Variants in MAGI2 observed in about 807,000 individuals in gnomAD.
MAGI2 encodes the protein membrane associated guanylate kinase, WW and PDZ domain containing 2, also known as membrane-associated guanylate kinase, WW and PDZ domain-containing protein 2.
A neutral mutation model predicts 133.3 loss-of-function variants in MAGI2; 35 were observed. The observed-to-expected ratio is 0.26, with a 90% CI of 0.20 to 0.35. The LOEUF (loss-of-function observed/expected upper bound fraction) is 0.35. Among genes scored for constraint, MAGI2 ranks in the 10% least tolerant of loss-of-function variants. MAGI2 has a pLI of 1.00. For missense variants in MAGI2, 1,636 were observed against 1,863.4 expected (o/e 0.88, Z 2.25); for synonymous variants, 729 against 710.6 (o/e 1.03, Z -0.41).
At chr7:78,868,513 T>C (rs1293484205) in intron 2 of MAGI2, among the ~76,000 whole-genome samples, 1 of 152,172 alleles carries the variant, frequency 6.6e-6, no homozygotes, top group African/African-American at 2.4e-5. Context: ...TATAATAGAT[T>C]AAAATTTAGC....
intron 6 of MAGI2, among the ~76,000 whole-genome samples, chr7:78,464,748 T>TA (rs397889373): frequency 2.0e-5 from 3 of 150,714 alleles, no homozygotes; most frequent in Non-Finnish European, 4.4e-5. Flanking sequence ...TTTTTTTTTT[T>TA]ACAACAAATA....
intron 3 of MAGI2, among the ~76,000 whole-genome samples, chr7:78,555,674 T>C (rs189064153): frequency 1.5e-3 from 223 of 152,252 alleles, no homozygotes; most frequent in Middle Eastern, 3.4e-3. Context: ...CCACAACACA[T>C]CATTATTTAT....
intron 7 of MAGI2, among the ~76,000 whole-genome samples, chr7:78,357,570 G>A (rs982708638): frequency 6.6e-6 from 1 of 152,158 alleles, no homozygotes; most frequent in African/African-American, 2.4e-5. Flanking sequence ...ATAGAATGGA[G>A]GGGCCCTGTC....
In MAGI2 at chr7:79,291,853, C is replaced by T. The variant is rs1282484253; in HGVS notation, c.301+161167G>A. 2.6e-5 allele frequency among the ~76,000 whole-genome samples: 4 copies of T among 152,206 alleles called. No individual in the cohort carries two copies. In the East Asian group the frequency reaches 7.7e-4, roughly 29 times the overall value. Reference sequence around the variant, plus strand: ...TATACAATTTGCAAATATTTTCACCCATTCTGTGAACTGTCATTCATTTTC... The same window carrying T: ...TATACAATTTGCAAATATTTTCACCTATTCTGTGAACTGTCATTCATTTTC... On this transcript the variant is annotated intron_variant, in intron 1 of 21. Coordinates refer to ENST00000354212, the MANE Select transcript of MAGI2 (RefSeq NM_012301.4).
At chr7:79,366,790 TCTGTC>T (rs757424087) in intron 1 of MAGI2, among the ~76,000 whole-genome samples, 9 of 152,216 alleles carry the variant, frequency 5.9e-5, no homozygotes, top group Non-Finnish European at 5.9e-5. Flanking sequence ...AGTGTCCTTT[TCTGTC>T]CTATAACTAT....
At chr7:78,125,653 T>A in intron 20 of MAGI2, 41 bp downstream of exon 20, 1 of 1,603,386 alleles carries the variant, frequency 6.2e-7, no homozygotes, top group Non-Finnish European at 8.5e-7. Flanking sequence ...TCGGTTTTTC[T>A]TTCAGAATTA....
intron 10 of MAGI2, among the ~76,000 whole-genome samples, chr7:78,245,981 C>A (rs931287298): frequency 6.6e-6 from 1 of 152,138 alleles, no homozygotes; most frequent in Non-Finnish European, 1.5e-5. Context: ...TGGAGCCACC[C>A]CTGTTCAGTG....
intron 2 of MAGI2, among the ~76,000 whole-genome samples, chr7:78,910,026 A>G (rs1295257266): frequency 6.6e-6 from 1 of 152,170 alleles, no homozygotes; most frequent in African/African-American, 2.4e-5. Flanking sequence ...TCAGCAAACT[A>G]ACACAGGAAC....
At chr7:79,338,185 C>T (rs1840580095) in intron 1 of MAGI2, among the ~76,000 whole-genome samples, 1 of 152,126 alleles carries the variant, frequency 6.6e-6, no homozygotes, top group Non-Finnish European at 1.5e-5. Context: ...GGCAGTGAGA[C>T]TAAGGGTGAG....
intron 1 of MAGI2, among the ~76,000 whole-genome samples, chr7:79,391,844 C>T (rs1406239321): frequency 4.6e-5 from 7 of 151,848 alleles, no homozygotes; most frequent in African/African-American, 1.2e-4. Flanking sequence ...CCACCACACC[C>T]GGCTAATTTT....
chr7:79,275,767 A>G (rs1190440528), intron 1 of MAGI2, among the ~76,000 whole-genome samples: 1 of 152,024 alleles, frequency 6.6e-6, no homozygotes, highest in Non-Finnish European at 1.5e-5. Flanking sequence ...TTCACTTACT[A>G]TTCTACAAGT....
chr7:79,165,820 T>C (rs1396202924), intron 1 of MAGI2, among the ~76,000 whole-genome samples: 1 of 152,124 alleles, frequency 6.6e-6, no homozygotes, highest in Non-Finnish European at 1.5e-5. Context: ...TACAGAAATA[T>C]ACATATTACA....
chr7:78,864,427 G>T (rs1383631652), intron 2 of MAGI2, among the ~76,000 whole-genome samples: 1 of 152,138 alleles, frequency 6.6e-6, no homozygotes, highest in East Asian at 1.9e-4. Flanking sequence ...GCTAGAATTG[G>T]CATCCAAATA....
chr7:79,160,696 G>T (rs1259827282), intron 1 of MAGI2, among the ~76,000 whole-genome samples: 3 of 152,028 alleles, frequency 2.0e-5, no homozygotes, highest in African/African-American at 7.2e-5. Context: ...CCACTGTAAG[G>T]TCTGTCCTGA....
At chr7:79,097,739 C>G (rs1257903913) in intron 1 of MAGI2, among the ~76,000 whole-genome samples, 1 of 152,222 alleles carries the variant, frequency 6.6e-6, no homozygotes, top group Non-Finnish European at 1.5e-5. Context: ...AAAATCCACA[C>G]TATGATGTAT....
At chr7:79,341,206 G>A (rs1840876827) in intron 1 of MAGI2, among the ~76,000 whole-genome samples, 1 of 152,136 alleles carries the variant, frequency 6.6e-6, no homozygotes, top group African/African-American at 2.4e-5. Flanking sequence ...GTATTGGGCA[G>A]TAATACTCAG....
chr7:79,194,808 C>T (rs149868752), intron 1 of MAGI2, among the ~76,000 whole-genome samples: 1 of 151,334 alleles, frequency 6.6e-6, no homozygotes, highest in Non-Finnish European at 1.5e-5. Flanking sequence ...AAAAAAAATG[C>T]CGCACACTCT....
intron 3 of MAGI2, among the ~76,000 whole-genome samples, chr7:78,596,188 G>GAGGGAGGGAGGGAAGGAATGAAGGA (rs1804587791): frequency 2.0e-5 from 1 of 51,264 alleles, no homozygotes; most frequent in Admixed American, 2.1e-4. Flanking sequence ...GGAAGGGAGG[G>GAGGGAGGGAGGGAAGGAATGAAGGA]AGGGAGGGAG....
intron 1 of MAGI2, among the ~76,000 whole-genome samples, chr7:79,443,409 T>C (rs1368321501): frequency 6.6e-6 from 1 of 151,608 alleles, no homozygotes; most frequent in Non-Finnish European, 1.5e-5. Context: ...GACTCCTTCT[T>C]AAAAAAACAA....
Sources: gnomAD v4.1 joint callset for allele counts (sites outside exome capture counted in the v4.1 genomes callset) on GRCh38, gnomAD v4.1.1 for gene constraint, MANE v1.5 for transcripts, NCBI Gene and HGNC (gene_info 2026-07-23, HGNC 2026-07-21) for gene names.